PLCH1: variants seen among roughly 807,000 people sequenced by gnomAD.
PLCH1 encodes the protein 1-phosphatidylinositol 4,5-bisphosphate phosphodiesterase eta-1.
A neutral mutation model predicts 126.7 loss-of-function variants in PLCH1; 60 were observed. That is an observed-to-expected ratio of 0.47 (90% CI 0.38 to 0.59). The LOEUF (loss-of-function observed/expected upper bound fraction) is 0.59. PLCH1 is among the 20% of genes least tolerant of loss of function. The probability of loss-of-function intolerance (pLI) is 0.00; values close to 1 mark genes in which losing one functional copy is unlikely to be tolerated. For missense variants in PLCH1, 1,723 were observed against 2,040.0 expected (o/e 0.84, Z 2.99); for synonymous variants, 719 against 734.9 (o/e 0.98, Z 0.35).
At chr3:155,690,858 A>G (rs1745328284) in intron 2 of PLCH1, among the ~76,000 whole-genome samples, 1 of 152,196 alleles carries the variant, frequency 6.6e-6, no homozygotes, top group South Asian at 2.1e-4. Context: ...GACCTTGTTA[A>G]AATGCAGATT....
intron 2 of PLCH1, among the ~76,000 whole-genome samples, chr3:155,645,326 T>C (rs2108872104): frequency 6.6e-6 from 1 of 152,178 alleles, no homozygotes; most frequent in African/African-American, 2.4e-5. Context: ...CCTCCTGCCT[T>C]AGCCTCCTAA....
intron 10 of PLCH1, among the ~76,000 whole-genome samples, chr3:155,548,234 T>TA (rs1258423490): frequency 6.6e-6 from 1 of 152,220 alleles, no homozygotes; most frequent in African/African-American, 2.4e-5. Context: ...ATTGCTCTGA[T>TA]AGTAAAGGAA....
intron 1 of PLCH1, among the ~76,000 whole-genome samples, chr3:155,729,915 A>ACTC (rs1479002569): frequency 7.7e-6 from 1 of 129,516 alleles, no homozygotes; most frequent in East Asian, 2.3e-4. Flanking sequence ...ACACAGCAAG[A>ACTC]CTCCATCTCA....
chr3:155,677,466 T>A (rs1744182160), intron 2 of PLCH1, among the ~76,000 whole-genome samples: 2 of 152,234 alleles, frequency 1.3e-5, no homozygotes, highest in South Asian at 4.1e-4. Flanking sequence ...TCTTGCAAGA[T>A]TCAATCTACC....
chr3:155,720,502 C>T (rs545213676), intron 1 of PLCH1, among the ~76,000 whole-genome samples: 211 of 152,042 alleles, frequency 1.4e-3, no homozygotes, highest in Admixed American at 2.3e-3. Flanking sequence ...ATGTTTGTTG[C>T]CCATTTGTAT....
intron 7 of PLCH1, 78 bp downstream of exon 7, chr3:155,568,153 T>C (rs2108528557): frequency 1.5e-6 from 1 of 676,080 alleles, no homozygotes; most frequent in Non-Finnish European, 2.6e-6. Flanking sequence ...CTGATTTCTT[T>C]TCCTAAAAAC....
intron 2 of PLCH1, among the ~76,000 whole-genome samples, chr3:155,612,251 C>T (rs907730975): frequency 1.9e-4 from 29 of 151,326 alleles, no homozygotes; most frequent in Admixed American, 9.2e-4. Context: ...ATCACTTAAA[C>T]CTGGGAGGTG....
In PLCH1 at chr3:155,612,639, G is replaced by C. The variant is rs149892778; in HGVS notation, c.80-16261C>G. Among the ~76,000 whole-genome samples the C allele has an allele frequency of 1.4e-4, 21 of 152,114 alleles. No homozygotes were observed. In the East Asian group the frequency reaches 3.3e-3, roughly 24 times the overall value. On this transcript the variant is annotated intron_variant, in intron 2 of 22. Coordinates refer to ENST00000460012, the MANE Select transcript of PLCH1 (RefSeq NM_014996.4). The stretch of plus-strand genomic sequence containing the variant: ...AAGAAAAAAAGAGAGGGCTGGGCTT[G>C]GTGGCTCATGCCTATAATCCCAGTA...
At chr3:155,539,870 A>G (rs191611001) in intron 10 of PLCH1, among the ~76,000 whole-genome samples, 192 of 152,242 alleles carry the variant, frequency 1.3e-3, no homozygotes, top group African/African-American at 4.5e-3. Context: ...ATCATTCCTC[A>G]CAAAACTGGA....
At chr3:155,478,082 C>T (rs1244726811), downstream of PLCH1, among the ~76,000 whole-genome samples, 2 of 151,918 alleles carry the variant, frequency 1.3e-5, no homozygotes, top group African/African-American at 4.8e-5. Context: ...AGAATGAGAT[C>T]GTCATTTACA....
intron 2 of PLCH1, among the ~76,000 whole-genome samples, chr3:155,701,073 A>T (rs1428937633): frequency 1.3e-5 from 2 of 152,358 alleles, no homozygotes; most frequent in East Asian, 3.9e-4. Context: ...ATCGCTGGAC[A>T]TAGTAGTCAA....
rs556248077 is a variant in PLCH1, at chr3:155,656,886, C to T, written c.79+47260G>A. Among the ~76,000 whole-genome samples, 14 of 151,626 alleles carry T rather than the reference C, an allele frequency of 9.2e-5. No homozygotes were observed. In the East Asian group the frequency reaches 2.5e-3, roughly 27 times the overall value. Reference sequence around the variant, plus strand: ...TTTTTAGGTTATGTAACCATATAACCTATAAAACCCAAGATAATCAAAGAT... The same window carrying T: ...TTTTTAGGTTATGTAACCATATAACTTATAAAACCCAAGATAATCAAAGAT... On this transcript the variant is annotated intron_variant, in intron 2 of 22. Coordinates refer to ENST00000460012, the MANE Select transcript of PLCH1 (RefSeq NM_014996.4).
At chr3:155,530,926 T>G (rs1246681225) in intron 10 of PLCH1, among the ~76,000 whole-genome samples, 1 of 152,230 alleles carries the variant, frequency 6.6e-6, no homozygotes, top group Non-Finnish European at 1.5e-5. Flanking sequence ...GTAGCAGGCA[T>G]GAAAACAACA....
intron 2 of PLCH1, among the ~76,000 whole-genome samples, chr3:155,597,575 C>T (rs1733140559): frequency 1.3e-5 from 2 of 152,116 alleles, no homozygotes; most frequent in Non-Finnish European, 2.9e-5. Flanking sequence ...TTAGAAACAA[C>T]AGATAAAAGA....
intron 2 of PLCH1, among the ~76,000 whole-genome samples, chr3:155,697,301 T>C (rs1376479150): frequency 6.6e-6 from 1 of 152,160 alleles, no homozygotes; most frequent in Non-Finnish European, 1.5e-5. Flanking sequence ...AACAAGGACC[T>C]GCCTAGAGTG....
At chr3:155,473,806 A>G (rs1183716054) in intron 21 of PLCH1, among the ~76,000 whole-genome samples, 1 of 150,586 alleles carries the variant, frequency 6.6e-6, no homozygotes, top group Non-Finnish European at 1.5e-5. Context: ...GACAAACCTG[A>G]GAAAAACAAG....
intron 15 of PLCH1, among the ~76,000 whole-genome samples, chr3:155,496,226 T>A (rs1717011203): frequency 1.3e-5 from 2 of 152,194 alleles, no homozygotes; most frequent in South Asian, 4.1e-4. Context: ...CAAGATTAAT[T>A]TCCATTAAGT....
chr3:155,690,402 G>T (rs1052136899), intron 2 of PLCH1, among the ~76,000 whole-genome samples: 1 of 152,168 alleles, frequency 6.6e-6, no homozygotes, highest in Non-Finnish European at 1.5e-5. Context: ...CATAATGTTT[G>T]CAAAAATTTC....
chr3:155,645,842 G>A (rs535585180), intron 2 of PLCH1, among the ~76,000 whole-genome samples: 5 of 152,280 alleles, frequency 3.3e-5, no homozygotes, highest in African/African-American at 4.8e-5. Context: ...GGAGGTAAAG[G>A]GAATGGGATA....
Sources: allele counts gnomAD v4.1 joint callset (sites outside exome capture counted in the v4.1 genomes callset), GRCh38; gene constraint gnomAD v4.1.1; transcripts MANE v1.5; gene names NCBI Gene and HGNC (gene_info 2026-07-23, HGNC 2026-07-21).